The following PM20D2 variants were observed in gnomAD, a reference collection of about 807,000 sequenced individuals.
PM20D2 encodes peptidase M20 domain containing 2.
PM20D2 carries 33 observed loss-of-function variants against 42.9 expected under a neutral mutation model. The observed-to-expected ratio is 0.77, with a 90% CI of 0.58 to 1.03. The LOEUF (loss-of-function observed/expected upper bound fraction) is 1.03. Among genes scored for constraint, PM20D2 ranks in the 50% least tolerant of loss-of-function variants. The probability of loss-of-function intolerance (pLI) is 0.00; values close to 1 mark genes in which losing one functional copy is unlikely to be tolerated. For missense variants in PM20D2, 548 were observed against 557.0 expected (o/e 0.98, Z 0.16); for synonymous variants, 250 against 228.2 (o/e 1.10, Z -0.86).
At chr6:89,144,351 G>A (rs1770445447), upstream of PM20D2, among the ~76,000 whole-genome samples, 1 of 152,226 alleles carries the variant, frequency 6.6e-6, no homozygotes, top group Non-Finnish European at 1.5e-5. Context: ...GGGTTCTACT[G>A]ATGTCAGCAG....
chr6:89,132,869 C>T, the PM20D2 span, among the ~76,000 whole-genome samples: 535 of 150,348 alleles, frequency 3.6e-3, 10 homozygotes, highest in East Asian at 2.2e-3. Context: ...CTTTTTACAT[C>T]GCTTCTCTTC....
chr6:89,146,265 C>T lies in PM20D2; in HGVS notation c.121C>T (p.Leu41=), dbSNP rs764318737. Residue 41 remains leucine (L), a synonymous_variant, in exon 1 of 7, where the codon CTG becomes TTG. Transcript: ENST00000275072. The part of the protein sequence containing the change: ...IDEAAERLGA[L]SRAIWSQPEL... ...CGAGGCGGCCGAGCGGCTGGGGGCC[C>T]TGAGCCGCGCGATCTGGAGCCAGCC... 13 of 1,580,356 alleles carry T rather than the reference C, an allele frequency of 8.2e-6. No homozygotes were observed. The East Asian group carries it at 2.3e-4, about 28-fold the overall frequency.
chr6:89,127,645 A>G, the PM20D2 span, among the ~76,000 whole-genome samples: 2 of 152,150 alleles, frequency 1.3e-5, no homozygotes, highest in African/African-American at 4.8e-5. Flanking sequence ...TCTTCCAAAA[A>G]CACTGAGTCT....
At chr6:89,102,922 G>A in the PM20D2 span, among the ~76,000 whole-genome samples, 3 of 151,864 alleles carry the variant, frequency 2.0e-5, no homozygotes, top group Non-Finnish European at 4.4e-5. Flanking sequence ...GCCACCACAC[G>A]TGGCTAATTT....
chr6:89,157,570 G>A (rs1425412274), intron 4 of PM20D2, among the ~76,000 whole-genome samples: 3 of 152,148 alleles, frequency 2.0e-5, no homozygotes, highest in African/African-American at 7.2e-5. Flanking sequence ...CTCACACCAG[G>A]CAGTGATGTC....
chr6:89,129,573 TTCTC>T, the PM20D2 span, among the ~76,000 whole-genome samples: 546 of 149,278 alleles, frequency 3.7e-3, 6 homozygotes, highest in African/African-American at 0.013. Flanking sequence ...GACACCCCTC[TTCTC>T]TCTGTTTCTA....
the PM20D2 span, among the ~76,000 whole-genome samples, chr6:89,094,898 A>C: frequency 6.6e-6 from 1 of 151,998 alleles, no homozygotes; most frequent in Non-Finnish European, 1.5e-5. Context: ...CATAGCTAGT[A>C]AATGTGTATA....
chr6:89,102,395 T>C, the PM20D2 span, among the ~76,000 whole-genome samples: 1 of 152,164 alleles, frequency 6.6e-6, no homozygotes, highest in Non-Finnish European at 1.5e-5. Context: ...CCTCCCAAAG[T>C]GCTGAGATGA....
the PM20D2 span, among the ~76,000 whole-genome samples, chr6:89,129,768 A>G: frequency 6.6e-6 from 1 of 151,352 alleles, no homozygotes. Context: ...ATTTGAGACA[A>G]ATTTTTTGTA....
chr6:89,094,345 T>C, the PM20D2 span, among the ~76,000 whole-genome samples: 17 of 151,980 alleles, frequency 1.1e-4, no homozygotes, highest in Non-Finnish European at 1.9e-4. Flanking sequence ...CTCAGCCTCC[T>C]GAGTAGCTGG....
chr6:89,124,736 G>GTTGTTTTTTTTTT, the PM20D2 span, among the ~76,000 whole-genome samples: 2 of 108,436 alleles, frequency 1.8e-5, no homozygotes, highest in African/African-American at 7.1e-5. Flanking sequence ...TGCTGTTGTT[G>GTTGTTTTTTTTTT]TTTTTTTTTT....
chr6:89,112,961 T>C, the PM20D2 span, among the ~76,000 whole-genome samples: 1 of 152,176 alleles, frequency 6.6e-6, no homozygotes, highest in South Asian at 2.1e-4. Context: ...TATTGTAACA[T>C]GCTGTACAGG....
the PM20D2 span, among the ~76,000 whole-genome samples, chr6:89,132,666 T>A: frequency 6.6e-6 from 1 of 150,408 alleles, no homozygotes; most frequent in Non-Finnish European, 1.5e-5. Context: ...GCCAACATGG[T>A]GAAACCCTGT....
the PM20D2 span, chr6:89,095,814 A>C: frequency 6.6e-6 from 1 of 152,232 alleles, no homozygotes; most frequent in African/African-American, 2.4e-5. Flanking sequence ...GAAAGCAAGC[A>C]AGCCGCTGTC....
In PM20D2 at chr6:89,146,262, G is replaced by T. The variant is rs1770542915; in HGVS notation, c.118G>T (p.Ala40Ser). 1 of 1,580,488 alleles carries T rather than the reference G, an allele frequency of 6.3e-7. No homozygotes were observed. The highest frequency in any genetic ancestry group is 8.5e-7 in the Non-Finnish European group (1 of 1,171,370). Residue 40 changes from alanine to serine, a missense_variant, in exon 1 of 7, where the codon GCC becomes TCC. Ala to Ser is a moderately conservative substitution (Grantham distance 99). Transcript: ENST00000275072. ...CIDEAAERLG[A>S]LSRAIWSQPE... ...CGACGAGGCGGCCGAGCGGCTGGGG[G>T]CCCTGAGCCGCGCGATCTGGAGCCA...
the PM20D2 span, among the ~76,000 whole-genome samples, chr6:89,135,161 A>G: frequency 6.6e-6 from 1 of 151,230 alleles, no homozygotes; most frequent in East Asian, 1.9e-4. Context: ...ATCTTAAGAA[A>G]TTTGTAAAGA....
intron 2 of PM20D2, among the ~76,000 whole-genome samples, chr6:89,151,886 A>G (rs1004060396): frequency 1.5e-4 from 23 of 152,022 alleles, no homozygotes; most frequent in African/African-American, 5.3e-4. Flanking sequence ...CCAGGAGTTC[A>G]TGACCAGCCT....
the PM20D2 span, among the ~76,000 whole-genome samples, chr6:89,135,972 T>C: frequency 1.3e-5 from 2 of 151,246 alleles, no homozygotes; most frequent in Non-Finnish European, 2.9e-5. Context: ...CAATATGATC[T>C]CTGGCCCTGA....
At chr6:89,161,662 G>C in intron 5 of PM20D2, 121 bp from the exon 6 acceptor site, 1 of 736,010 alleles carries the variant, frequency 1.4e-6, no homozygotes, top group South Asian at 1.7e-5. Flanking sequence ...TGAGCATACG[G>C]ACAACTCTCC....
Sources: gnomAD v4.1 joint callset for allele counts (sites outside exome capture counted in the v4.1 genomes callset) on GRCh38, gnomAD v4.1.1 for gene constraint, MANE v1.5 for transcripts, NCBI Gene and HGNC (gene_info 2026-07-23, HGNC 2026-07-21) for gene names.